BORCS7: variants seen among roughly 807,000 people sequenced by gnomAD.
BORCS7 encodes BLOC-1-related complex subunit 7.
A neutral mutation model predicts 17.5 loss-of-function variants in BORCS7; 20 were observed. The ratio of observed to expected loss-of-function variants is 1.14; its 90% CI spans 0.80 to 1.66. The LOEUF (loss-of-function observed/expected upper bound fraction) is 1.66. Ranked by LOEUF, BORCS7 falls within the 40% of genes most tolerant of loss-of-function variation. The pLI, the probability that BORCS7 is intolerant of heterozygous loss-of-function variation, is 0.00. For synonymous variants in BORCS7, 57 were observed against 49.8 expected (o/e 1.14, Z -0.61); for missense variants, 122 against 129.7 (o/e 0.94, Z 0.29).
chr10:102,854,551 T>A, intron 1 of BORCS7, 124 bp downstream of exon 1: 1 of 1,222,806 alleles, frequency 8.2e-7, no homozygotes, highest in Non-Finnish European at 1.1e-6. Flanking sequence ...TATGAGTAGG[T>A]CTTCTTCGCG....
intron 3 of BORCS7, 125 bp from the exon 4 acceptor site, chr10:102,862,035 A>G (rs1844529469): frequency 2.3e-6 from 2 of 883,458 alleles, no homozygotes; most frequent in East Asian, 2.5e-5. Context: ...ATCTTAGGAT[A>G]GGATGGACAG....
intron 1 of BORCS7, among the ~76,000 whole-genome samples, chr10:102,859,938 A>G (rs1207162510): frequency 6.6e-6 from 1 of 152,068 alleles, no homozygotes; most frequent in Non-Finnish European, 1.5e-5. Flanking sequence ...CATCTTTACT[A>G]CTTTCAAACA....
At chr10:102,854,692 C>A (rs1050149073) in intron 1 of BORCS7, among the ~76,000 whole-genome samples, 2 of 151,460 alleles carry the variant, frequency 1.3e-5, no homozygotes, top group Non-Finnish European at 2.9e-5. Flanking sequence ...GCGGGCGGAT[C>A]ACCTGAGGTC....
chr10:102,855,142 T>TGAAG (rs1188848124), intron 1 of BORCS7, among the ~76,000 whole-genome samples: 1 of 150,736 alleles, frequency 6.6e-6, no homozygotes, highest in East Asian at 1.9e-4. Context: ...AATGACTAAT[T>TGAAG]GAAGGAAGTA....
rs1158960849 is a variant in BORCS7 at position 102,864,754 on chromosome 10, TG to T, written c.*1831del. On this transcript the variant is annotated 3_prime_UTR_variant, in exon 5 of 5. Coordinates refer to ENST00000339834, the MANE Select transcript of BORCS7 (RefSeq NM_001136200.2). ...GAAATGTATACATTATTTGATGGTT[TG>T]TTTTTTTATGGAAATAAACAACATA... is the stretch of plus-strand genomic sequence containing the variant. 5.9e-5 allele frequency: 9 copies of T among 152,174 alleles called. No individual in the cohort carries two copies. The highest frequency in any genetic ancestry group is 3.8e-4 in the East Asian group (2 of 5,208). The allele number at this position is 152,174 out of a possible 1,614,324, so 9.4% of individuals were successfully genotyped here.
chr10:102,862,516 T>C (rs938804325), intron 4 of BORCS7, among the ~76,000 whole-genome samples: 3 of 152,226 alleles, frequency 2.0e-5, no homozygotes, highest in Non-Finnish European at 4.4e-5. Flanking sequence ...TGGATTAAAT[T>C]TGTCCCTTGC....
At chr10:102,856,670 T>G (rs1414405460) in intron 1 of BORCS7, among the ~76,000 whole-genome samples, 3 of 152,198 alleles carry the variant, frequency 2.0e-5, no homozygotes, top group Non-Finnish European at 2.9e-5. Context: ...TAGTGAAGAT[T>G]GTTTTACAGG....
chr10:102,854,541 T>C, intron 1 of BORCS7, 114 bp downstream of exon 1: 1 of 1,278,978 alleles, frequency 7.8e-7, no homozygotes, highest in Non-Finnish European at 1.1e-6. Context: ...AAGTACTTGC[T>C]ATGAGTAGGT....
In BORCS7 at chr10:102,862,203, G is replaced by A. The variant is rs973269048; in HGVS notation, c.269+23G>A. On this transcript the variant is annotated intron_variant, in intron 4 of 4. Coordinates refer to ENST00000339834, the MANE Select transcript of BORCS7 (RefSeq NM_001136200.2). The stretch of plus-strand genomic sequence containing the variant: ...GAAGTAAGTAACCCCAAAGGTAGAG[G>A]AGTAGGGAACCAACTGAAGCAGGCT... 4.4e-6 allele frequency: 7 copies of A among 1,604,972 alleles called. No individual in the cohort carries two copies. The African/African-American group carries it at 5.3e-5, about 12-fold the overall frequency.
rs1007216913 is a variant in BORCS7, at chr10:102,863,167, C to T, written c.*243C>T. 2.9e-6 allele frequency: 1 copy of T among 341,996 alleles called. No homozygotes were observed. Among genetic ancestry groups the T allele is most frequent in the Non-Finnish European group, 5.5e-6 (1 of 183,324 alleles). The allele number at this position is 341,996 out of a possible 1,614,324, so 21.2% of individuals were successfully genotyped here. ...TGGCCAAGATGGTGAAACCCCGTCT[C>T]TACTAAAAATACAAAGAATTAGCTG... On this transcript the variant is annotated 3_prime_UTR_variant, in exon 5 of 5. Coordinates refer to ENST00000339834, the MANE Select transcript of BORCS7 (RefSeq NM_001136200.2).
At chr10:102,857,142 A>G (rs955269213) in intron 1 of BORCS7, among the ~76,000 whole-genome samples, 2 of 151,944 alleles carry the variant, frequency 1.3e-5, no homozygotes, top group Non-Finnish European at 2.9e-5. Context: ...CTGAACACCT[A>G]CCCCTGTAAT....
At chr10:102,854,811 GT>G (rs1844397771) in intron 1 of BORCS7, among the ~76,000 whole-genome samples, 1 of 150,786 alleles carries the variant, frequency 6.6e-6, no homozygotes, top group African/African-American at 2.4e-5. Flanking sequence ...TGTAATCCCA[GT>G]TACTTGGGAG....
intron 1 of BORCS7, among the ~76,000 whole-genome samples, chr10:102,855,487 A>G (rs1844411859): frequency 6.6e-6 from 1 of 152,254 alleles, no homozygotes; most frequent in East Asian, 1.9e-4. Flanking sequence ...CCACATAGCT[A>G]TTTTGTTTGA....
At chr10:102,858,782 A>G (rs1378816388) in intron 1 of BORCS7, among the ~76,000 whole-genome samples, 1 of 152,204 alleles carries the variant, frequency 6.6e-6, no homozygotes, top group Admixed American at 6.5e-5. Flanking sequence ...TACTAACTTT[A>G]AAACTTTAAA....
Position 102,862,188 on chromosome 10 carries a change from A to G in BORCS7, c.269+8A>G, listed in dbSNP as rs745469851. 1 of 1,608,752 alleles carries G rather than the reference A, an allele frequency of 6.2e-7. No individual in the cohort carries two copies. Among genetic ancestry groups the G allele is most frequent in the Non-Finnish European group, 8.5e-7 (1 of 1,175,160 alleles). ...AGAAGCTATTCAGAAGAAGTAAGTA[A>G]CCCCAAAGGTAGAGGAGTAGGGAAC... On this transcript the variant is annotated splice_region_variant and intron_variant, in intron 4 of 4. Coordinates refer to ENST00000339834, the MANE Select transcript of BORCS7 (RefSeq NM_001136200.2).
intron 1 of BORCS7, among the ~76,000 whole-genome samples, chr10:102,855,147 G>C (rs1844406375): frequency 6.7e-6 from 1 of 150,122 alleles, no homozygotes; most frequent in Non-Finnish European, 1.5e-5. Context: ...CTAATTGAAG[G>C]AAGTACTTTT....
At chr10:102,861,028 C>A (rs1844510252) in intron 3 of BORCS7, among the ~76,000 whole-genome samples, 1 of 152,132 alleles carries the variant, frequency 6.6e-6, no homozygotes, top group Admixed American at 6.5e-5. Context: ...AAATATAAGA[C>A]CCCCTCTTTC....
In BORCS7 at chr10:102,863,049, G is replaced by A; in HGVS notation, c.*125G>A. 2 of 917,412 alleles carry A rather than the reference G, an allele frequency of 2.2e-6. No homozygotes were observed. Among genetic ancestry groups the A allele is most frequent in the Non-Finnish European group, 3.5e-6 (2 of 578,244 alleles). The allele number at this position is 917,412 out of a possible 1,614,324, so 56.8% of individuals were successfully genotyped here. A position where few individuals can be genotyped will look rare whatever the true frequency, so the allele number is the denominator to read the frequency against. Reference sequence around the variant, plus strand: ...AAAAGTTAAGTTAGAAAAGTTCTGTGTTAGGGCCGGGCGCGGTAGCTCACG... The same window carrying A: ...AAAAGTTAAGTTAGAAAAGTTCTGTATTAGGGCCGGGCGCGGTAGCTCACG... On this transcript the variant is annotated 3_prime_UTR_variant, in exon 5 of 5. Coordinates refer to ENST00000339834, the MANE Select transcript of BORCS7 (RefSeq NM_001136200.2).
chr10:102,860,535 A>G lies in BORCS7; in HGVS notation c.242A>G (p.Gln81Arg). The change falls in exon 3 of 5, where the codon CAA (glutamine) becomes CGA (arginine). Residue 81 changes from glutamine to arginine, a missense_variant. By Grantham distance (43) the Gln-to-Arg change is conservative. Coordinates refer to ENST00000339834, the MANE Select transcript of BORCS7 (RefSeq NM_001136200.2). ...RKMAIITTHLQYQQEAIQKNV... is the reference protein window; with the variant it reads ...RKMAIITTHLRYQQEAIQKNV... ...ATGGCAATAATAACAACACATCTTC[A>G]ATACCAGTGAGTATGCCCCCTCCAG... The G allele has an allele frequency of 6.2e-7, 1 of 1,612,644 alleles. No individual in the cohort carries two copies. Among genetic ancestry groups the G allele is most frequent in the Non-Finnish European group, 8.5e-7 (1 of 1,178,680 alleles).
Sources: allele counts gnomAD v4.1 joint callset (sites outside exome capture counted in the v4.1 genomes callset), GRCh38; gene constraint gnomAD v4.1.1; transcripts MANE v1.5; gene names NCBI Gene and HGNC (gene_info 2026-07-23, HGNC 2026-07-21).